PCDH11X: variants seen among roughly 807,000 people sequenced by gnomAD.
PCDH11X encodes the protein protocadherin 11 X-linked.
A neutral mutation model predicts 53.3 loss-of-function variants in PCDH11X; 18 were observed. The ratio of observed to expected loss-of-function variants is 0.34; its 90% CI spans 0.23 to 0.50. The LOEUF (loss-of-function observed/expected upper bound fraction) is 0.50. PCDH11X is among the 20% of genes least tolerant of loss of function. The pLI is 0.98. For missense variants in PCDH11X, 570 were observed against 1,032.4 expected, an observed-to-expected ratio of 0.55 and a Z score of 6.14; for synonymous variants, 279 against 393.3, an observed-to-expected ratio of 0.71 and a Z score of 3.44.
At chrX:92,466,569 G>A (rs1027766832) in intron 9 of PCDH11X, among the ~76,000 whole-genome samples, 1 of 110,079 alleles carries the variant, frequency 9.1e-6, no homozygotes, top group Non-Finnish European at 1.9e-5. Flanking sequence ...AAAGTTTTAA[G>A]CCAAATATGC....
intron 6 of PCDH11X, among the ~76,000 whole-genome samples, chrX:92,187,078 A>G (rs2066111742): frequency 8.9e-6 from 1 of 112,043 alleles, no homozygotes; most frequent in African/African-American, 3.2e-5. Context: ...GCTGTAACAT[A>G]TGCAGCAAAC....
chrX:92,383,518 C>G (rs2070936665), intron 8 of PCDH11X, among the ~76,000 whole-genome samples: 2 of 110,201 alleles, frequency 1.8e-5, no homozygotes, highest in African/African-American at 3.3e-5. Context: ...ATGTTTCCCT[C>G]CCTGTGTCCA....
In PCDH11X at chrX:92,208,508, A is replaced by AATATAT. The variant is rs58212809; in HGVS notation, c.3114+7077_3114+7082dup. On this transcript the variant is annotated intron_variant, in intron 7 of 10. Coordinates refer to ENST00000682573, the MANE Select transcript of PCDH11X (RefSeq NM_032968.5). ...ACAACCGAAGGTGGTCCCTGAAACT[A>AATATAT]ATATATATATATATATATATATATA... Among the ~76,000 whole-genome samples, 140 of 30,672 alleles carry AATATAT rather than the reference A, an allele frequency of 4.6e-3. 13 individuals are homozygous for AATATAT. The highest frequency in any genetic ancestry group is 8.7e-3 in the East Asian group (10 of 1,151). 26.6% of individuals were successfully genotyped at this position (30,672 alleles called of 115,157 possible).
intron 9 of PCDH11X, among the ~76,000 whole-genome samples, chrX:92,424,016 C>G (rs1365399942): frequency 3.1e-5 from 3 of 95,686 alleles, no homozygotes; most frequent in Non-Finnish European, 4.6e-5. Context: ...TTTTCTAGTT[C>G]TGTGAAGAAT....
At chrX:91,933,625 G>C (rs758191297) in intron 6 of PCDH11X, among the ~76,000 whole-genome samples, 2 of 111,189 alleles carry the variant, frequency 1.8e-5, no homozygotes, top group South Asian at 7.5e-4. Context: ...CTATAATCCT[G>C]ACATATTTTG....
At chrX:91,787,174 G>A (rs748425053) in intron 1 of PCDH11X, among the ~76,000 whole-genome samples, 8 of 106,509 alleles carry the variant, frequency 7.5e-5, no homozygotes, top group African/African-American at 2.7e-4. Flanking sequence ...ACTTAATGTA[G>A]CAAATGTTTA....
chrX:92,083,116 T>C (rs930129228), intron 6 of PCDH11X, among the ~76,000 whole-genome samples: 1 of 111,602 alleles, frequency 9.0e-6, no homozygotes, highest in African/African-American at 3.3e-5. Flanking sequence ...AACCCTGTAA[T>C]ATTGTAAGAT....
chrX:92,284,166 C>T (rs1270240253), intron 8 of PCDH11X, among the ~76,000 whole-genome samples: 1 of 110,031 alleles, frequency 9.1e-6, no homozygotes, highest in African/African-American at 3.3e-5. Context: ...AATCAACCTA[C>T]GTATGTAAAT....
In PCDH11X at chrX:92,535,751, C is replaced by A. The variant is rs779891754; in HGVS notation, c.3367+67429C>A. Among the ~76,000 whole-genome samples, 40 of 111,476 alleles carry A rather than the reference C, an allele frequency of 3.6e-4. 1 individual carries two copies. Among genetic ancestry groups the A allele is most frequent in the African/African-American group, 9.1e-4 (28 of 30,727 alleles). On this transcript the variant is annotated intron_variant, in intron 10 of 10. Coordinates refer to ENST00000682573, the MANE Select transcript of PCDH11X (RefSeq NM_032968.5). ...AAGATAGGAATACGATCCAATACTG[C>A]CATATAGTACCAGTAAGAATACACA... is the stretch of plus-strand genomic sequence containing the variant.
intron 10 of PCDH11X, among the ~76,000 whole-genome samples, chrX:92,486,589 C>A (rs1220197752): frequency 1.8e-5 from 2 of 111,739 alleles, no homozygotes; most frequent in Non-Finnish European, 3.8e-5. Flanking sequence ...TTTTAAATTT[C>A]TTTCTAGAAT....
chrX:92,121,527 CAT>C (rs1392830027), intron 6 of PCDH11X, among the ~76,000 whole-genome samples: 1 of 111,142 alleles, frequency 9.0e-6, no homozygotes, highest in Non-Finnish European at 1.9e-5. Context: ...TATTTGTAAA[CAT>C]ATTATGTTGA....
chrX:92,385,380 AG>A (rs2070989809), intron 8 of PCDH11X, among the ~76,000 whole-genome samples: 1 of 104,412 alleles, frequency 9.6e-6, no homozygotes, highest in Non-Finnish European at 2.0e-5. Flanking sequence ...AAACAGAAAA[AG>A]GGATATTGAC....
intron 6 of PCDH11X, among the ~76,000 whole-genome samples, chrX:92,096,441 T>C (rs1374662903): frequency 7.5e-4 from 16 of 21,472 alleles, no homozygotes; most frequent in Admixed American, 8.6e-4. Flanking sequence ...TATGTGTATG[T>C]GTGTGTGTGT....
At chrX:92,158,290 A>C (rs927146915) in intron 6 of PCDH11X, among the ~76,000 whole-genome samples, 20 of 111,392 alleles carry the variant, frequency 1.8e-4, no homozygotes, top group Non-Finnish European at 3.6e-4. Context: ...CTTGCACTTC[A>C]TAGGAAATGT....
At position 92,395,433 on chromosome X, in the gene PCDH11X, A is replaced by G. The variant is rs1322554696; in HGVS notation, c.3343+7500A>G. On this transcript the variant is annotated intron_variant, in intron 9 of 10. Transcript: ENST00000682573. ...CCATTGTAGATAATTTGTTTTAGGC[A>G]ATCATCTTACGTATTACAGAACTCT... Among the ~76,000 whole-genome samples, 3 of 111,332 alleles carry G rather than the reference A, an allele frequency of 2.7e-5. No individual in the cohort carries two copies. The Admixed American group carries it at 2.9e-4, about 11-fold the overall frequency.
At chrX:92,578,439 G>T (rs143655906) in intron 10 of PCDH11X, among the ~76,000 whole-genome samples, 5,493 of 110,462 alleles carry the variant, frequency 0.05, 118 homozygotes, top group South Asian at 0.18. Flanking sequence ...TTTGTTTTAT[G>T]AATCTGGGTG....
chrX:92,064,185 G>T (rs1352077048), intron 6 of PCDH11X, among the ~76,000 whole-genome samples: 1 of 104,356 alleles, frequency 9.6e-6, no homozygotes, highest in African/African-American at 3.5e-5. Context: ...GTCCATGCTT[G>T]CACTTGTACC....
intron 6 of PCDH11X, among the ~76,000 whole-genome samples, chrX:91,907,408 CACACAGAGAG>C (rs1405611175): frequency 1.5e-5 from 1 of 66,074 alleles, no homozygotes; most frequent in African/African-American, 6.4e-5. Flanking sequence ...CACACACACA[CACACAGAGAG>C]AGAGAGAGAG....
chrX:92,377,156 T>A (rs1361182830), intron 8 of PCDH11X, among the ~76,000 whole-genome samples: 1 of 111,812 alleles, frequency 8.9e-6, no homozygotes, highest in East Asian at 2.8e-4. Flanking sequence ...TACTGTATCT[T>A]GTAGGATGTA....
Sources: allele counts gnomAD v4.1 joint callset (sites outside exome capture counted in the v4.1 genomes callset), GRCh38; gene constraint gnomAD v4.1.1; transcripts MANE v1.5; gene names NCBI Gene and HGNC (gene_info 2026-07-23, HGNC 2026-07-21).